TTC28: variants seen among roughly 807,000 people sequenced by gnomAD.
TTC28 encodes tetratricopeptide repeat domain 28, also known as tetratricopeptide repeat protein 28.
Under a neutral mutation model 198.0 loss-of-function variants are expected in TTC28, and 61 were observed. The observed-to-expected ratio is 0.31, with a 90% CI of 0.25 to 0.38. The LOEUF (loss-of-function observed/expected upper bound fraction) is 0.38. Among genes scored for constraint, TTC28 ranks in the 10% least tolerant of loss-of-function variants. TTC28 has a pLI of 1.00. For missense variants in TTC28, 2,678 were observed against 3,164.0 expected (o/e 0.85, Z 3.69); for synonymous variants, 1,171 against 1,297.8 (o/e 0.90, Z 2.10).
rs182476124 is a variant in TTC28, at chr22:28,538,598, C to T, written c.381+90954G>A. Among the ~76,000 whole-genome samples the T allele has an allele frequency of 1.5e-3, 202 of 136,628 alleles. 1 individual carries two copies. The highest frequency in any genetic ancestry group is 5.2e-3 in the African/African-American group (187 of 35,686). The allele number at this position is 136,628 out of a possible 152,430, so 89.6% of individuals were successfully genotyped here. On this transcript the variant is annotated intron_variant, in intron 2 of 22. Transcript: ENST00000397906. ...TTTTTGAGACAGAGTCTCTCTCTGTCGCCTAGGCTGAAGTGCAGTGGCACA... is the reference window on the plus strand; with the variant it reads ...TTTTTGAGACAGAGTCTCTCTCTGTTGCCTAGGCTGAAGTGCAGTGGCACA...
intron 2 of TTC28, among the ~76,000 whole-genome samples, chr22:28,343,269 C>A (rs200608839): frequency 6.6e-6 from 1 of 152,226 alleles, no homozygotes; most frequent in East Asian, 1.9e-4. Context: ...GTGGCTCATG[C>A]CTGTAATCCC....
chr22:28,511,064 T>G (rs759477334), intron 2 of TTC28, among the ~76,000 whole-genome samples: 1 of 152,154 alleles, frequency 6.6e-6, no homozygotes, highest in Non-Finnish European at 1.5e-5. Flanking sequence ...TCAATACTCA[T>G]GAAAATGGCC....
At chr22:28,032,220 AATATATATATATAAAAT>A (rs1359953698) in intron 12 of TTC28, among the ~76,000 whole-genome samples, 23 of 107,314 alleles carry the variant, frequency 2.1e-4, no homozygotes, top group African/African-American at 2.9e-4. Context: ...ATATATATAA[AATATATATATATAAAAT>A]ATATATATAT....
intron 5 of TTC28, among the ~76,000 whole-genome samples, chr22:28,231,252 C>T (rs1928782806): frequency 6.6e-6 from 1 of 152,182 alleles, no homozygotes; most frequent in Non-Finnish European, 1.5e-5. Flanking sequence ...TAAACAAATG[C>T]TTTAACACAT....
chr22:28,420,193 C>T (rs2047226627), intron 2 of TTC28, among the ~76,000 whole-genome samples: 1 of 152,066 alleles, frequency 6.6e-6, no homozygotes, highest in African/African-American at 2.4e-5. Flanking sequence ...ACTAAATGTT[C>T]ATCTTGAGTA....
At chr22:28,108,477 A>C in intron 6 of TTC28, 74 bp from the exon 7 acceptor site, 3 of 1,280,442 alleles carry the variant, frequency 2.3e-6, no homozygotes, top group Non-Finnish European at 3.0e-6. Context: ...TGTAATTTGC[A>C]TCTCAATTTA....
chr22:28,583,581 GC>G (rs1421507641), intron 2 of TTC28, among the ~76,000 whole-genome samples: 5 of 152,048 alleles, frequency 3.3e-5, no homozygotes, highest in African/African-American at 7.2e-5. Flanking sequence ...TTGTTTTTCT[GC>G]TTGTCAGCAT....
Position 27,999,206 on chromosome 22 carries a change from C to T in TTC28, c.4453G>A (p.Val1485Ile). ...TYSSSTSMAA[V>I]IGNPKLPSAV... ...GATGGTAGCTTGGGGTTGCCGATGA[C>T]AGCCGCCATGGATGTGGAGCTGGAG... Residue 1485 changes from valine to isoleucine, a missense_variant, in exon 16 of 23, where the codon GTC (valine) becomes ATC (isoleucine). Physicochemically the swap from Val to Ile is conservative, Grantham distance 29 (BLOSUM62 3). Transcript: ENST00000397906. 6.4e-7 allele frequency: 1 copy of T among 1,551,016 alleles called. No homozygotes were observed. The highest frequency in any genetic ancestry group is 8.7e-7 in the Non-Finnish European group (1 of 1,146,984).
intron 5 of TTC28, among the ~76,000 whole-genome samples, chr22:28,235,846 C>T (rs962042927): frequency 1.3e-5 from 2 of 152,158 alleles, no homozygotes; most frequent in Admixed American, 6.5e-5. Flanking sequence ...TTGTTAACTT[C>T]GTTAAGTTGG....
intron 13 of TTC28, among the ~76,000 whole-genome samples, chr22:28,029,349 G>A (rs1348441326): frequency 2.6e-5 from 4 of 152,152 alleles, no homozygotes; most frequent in Admixed American, 6.5e-5. Context: ...AACAGACAGG[G>A]CGCACAATGC....
At chr22:28,415,715 G>A (rs981671542) in intron 2 of TTC28, among the ~76,000 whole-genome samples, 13 of 152,104 alleles carry the variant, frequency 8.5e-5, no homozygotes, top group African/African-American at 2.9e-4. Context: ...CAGAAAGACC[G>A]CCAGCAAACC....
At chr22:28,163,799 C>T (rs1038503810) in intron 5 of TTC28, among the ~76,000 whole-genome samples, 200 bp from the exon 6 acceptor site, 11 of 152,104 alleles carry the variant, frequency 7.2e-5, no homozygotes, top group East Asian at 1.9e-4. Context: ...TGGGGAGTGC[C>T]GGACAGTGGG....
At chr22:28,579,675 A>G (rs2050206719) in intron 2 of TTC28, among the ~76,000 whole-genome samples, 1 of 151,992 alleles carries the variant, frequency 6.6e-6, no homozygotes, top group East Asian at 1.9e-4. Context: ...CACACCCAAA[A>G]AAAACCGAAG....
intron 13 of TTC28, among the ~76,000 whole-genome samples, chr22:28,015,719 C>T (rs1311710028): frequency 2.0e-5 from 3 of 152,080 alleles, no homozygotes; most frequent in African/African-American, 2.4e-5. Context: ...AGACACCACA[C>T]CCCACCATCA....
intron 2 of TTC28, among the ~76,000 whole-genome samples, chr22:28,464,211 C>T (rs929895364): frequency 1.6e-4 from 25 of 152,132 alleles, no homozygotes; most frequent in African/African-American, 5.3e-4. Flanking sequence ...AAGTTCCCTC[C>T]TAATGAAGTC....
At chr22:28,103,645 T>C (rs1942220240) in intron 8 of TTC28, among the ~76,000 whole-genome samples, 1 of 152,166 alleles carries the variant, frequency 6.6e-6, no homozygotes, top group South Asian at 2.1e-4. Flanking sequence ...AGTGGACACA[T>C]CCACAAGACA....
At chr22:28,385,014 G>A (rs1223864134) in intron 2 of TTC28, among the ~76,000 whole-genome samples, 3 of 151,454 alleles carry the variant, frequency 2.0e-5, no homozygotes, top group East Asian at 2.0e-4. Context: ...GGTGGCATGC[G>A]ACTGTAATCC....
chr22:28,221,794 G>A (rs899233487), intron 5 of TTC28, among the ~76,000 whole-genome samples: 4 of 152,038 alleles, frequency 2.6e-5, no homozygotes, highest in African/African-American at 9.7e-5. Context: ...CTGTGAAATG[G>A]GTCCACTGTC....
intron 5 of TTC28, among the ~76,000 whole-genome samples, chr22:28,197,614 T>C (rs1256724458): frequency 1.3e-5 from 2 of 152,058 alleles, no homozygotes; most frequent in African/African-American, 4.8e-5. Flanking sequence ...AATAAAACTT[T>C]TAAATTTATG....
Sources: gnomAD v4.1 joint callset for allele counts (sites outside exome capture counted in the v4.1 genomes callset) on GRCh38, gnomAD v4.1.1 for gene constraint, MANE v1.5 for transcripts, NCBI Gene and HGNC (gene_info 2026-07-23, HGNC 2026-07-21) for gene names.